MYOM1: variants seen among roughly 807,000 people sequenced by gnomAD.
MYOM1 encodes the protein myomesin-1.
A neutral mutation model predicts 205.3 loss-of-function variants in MYOM1; 164 were observed. The ratio of observed to expected loss-of-function variants is 0.80; its 90% CI spans 0.70 to 0.91. The LOEUF is 0.91. Among genes scored for constraint, MYOM1 ranks in the 40% least tolerant of loss-of-function variants. The pLI is 0.00. For synonymous variants in MYOM1, 772 were observed against 789.4 expected (o/e 0.98, Z 0.37); for missense variants, 2,011 against 2,127.3 (o/e 0.95, Z 1.08).
In MYOM1 at chr18:3,189,070, C is replaced by A; in HGVS notation, c.449G>T (p.Gly150Val). 1 of 1,612,148 alleles carries A rather than the reference C, an allele frequency of 6.2e-7. No individual in the cohort carries two copies. Among genetic ancestry groups the A allele is most frequent in the Non-Finnish European group, 8.5e-7 (1 of 1,178,832 alleles). Residue 150 changes from glycine (G) to valine (V), a missense_variant, in exon 4 of 38, where the codon GGA (glycine) becomes GTA (valine). By Grantham distance (109) the Gly-to-Val change is moderately radical. Coordinates refer to ENST00000356443, the MANE Select transcript of MYOM1 (RefSeq NM_003803.4). The surrounding 1 kb of genome is among the most constrained non-coding windows in gnomAD (Gnocchi z 4.8). ...IFSGRQKHVS[G>V]ITDTEEERIK... ...TCTTTCTTCTTCCGTATCAGTAATT[C>A]CACTGACATGCTTTTGACTAAAACA... is the stretch of plus-strand genomic sequence containing the variant.
intron 13 of MYOM1, among the ~76,000 whole-genome samples, chr18:3,146,198 A>C (rs2080120120): frequency 6.6e-6 from 1 of 152,096 alleles, no homozygotes; most frequent in Admixed American, 6.6e-5. Context: ...ATTAAAAAAA[A>C]TAATAAAAGT....
chr18:3,246,431 T>C, the MYOM1 span: 1 of 152,206 alleles, frequency 6.6e-6, no homozygotes, highest in Admixed American at 6.5e-5. Context: ...TATTTTTATT[T>C]TTAATTAGTA....
intron 14 of MYOM1, among the ~76,000 whole-genome samples, chr18:3,138,565 G>A (rs990329516): frequency 3.9e-5 from 6 of 152,210 alleles, no homozygotes; most frequent in Middle Eastern, 3.4e-3. Flanking sequence ...ATTATCTTTT[G>A]TGTGTCTGCT....
At chr18:3,242,790 T>C in the MYOM1 span, among the ~76,000 whole-genome samples, 9 of 152,234 alleles carry the variant, frequency 5.9e-5, no homozygotes, top group Non-Finnish European at 1.3e-4. Flanking sequence ...ATTACAGGCA[T>C]GAGCCTCTGC....
chr18:3,176,047 A>C lies in MYOM1; in HGVS notation c.1017T>G (p.Ile339Met). 2 of 1,579,330 alleles carry C rather than the reference A, an allele frequency of 1.3e-6. No homozygotes were observed. Among genetic ancestry groups the C allele is most frequent in the South Asian group, 2.2e-5 (2 of 90,318 alleles). The change falls in exon 6 of 38, where the codon ATT becomes ATG. Residue 339 changes from isoleucine (I) to methionine (M), a missense_variant. Transcript: ENST00000356443. ...ESRYGMHTLE[I>M]NGCDFEDTAQ... The stretch of plus-strand genomic sequence containing the variant: ...GGACACTAATGTTCTCTTACCCATT[A>C]ATCTCCAGAGTGTGCATCCCATATC...
intron 2 of MYOM1, among the ~76,000 whole-genome samples, chr18:3,214,095 C>T (rs2081224102): frequency 6.6e-6 from 1 of 152,148 alleles, no homozygotes; most frequent in Non-Finnish European, 1.5e-5. Flanking sequence ...ATGTTTTTAT[C>T]AAATGGTCGA....
At chr18:3,097,395 T>C (rs1035853380) in intron 25 of MYOM1, among the ~76,000 whole-genome samples, 10 of 152,150 alleles carry the variant, frequency 6.6e-5, no homozygotes, top group Admixed American at 1.3e-4. Context: ...GCTCTGATAC[T>C]TGCATGTCAG....
chr18:3,133,940 G>T (rs1180862456), intron 16 of MYOM1, among the ~76,000 whole-genome samples: 3 of 152,286 alleles, frequency 2.0e-5, no homozygotes, highest in African/African-American at 7.2e-5. Flanking sequence ...ATAGCTCACT[G>T]CAGCCTTGAT....
Position 3,215,090 on chromosome 18 carries a change from G to C in MYOM1, c.134C>G (p.Ala45Gly). Residue 45 changes from alanine to glycine, a missense_variant, in exon 2 of 38, where the codon GCC (alanine) becomes GGC (glycine). Physicochemically the swap from Ala to Gly is moderately conservative, Grantham distance 60. Coordinates refer to ENST00000356443, the MANE Select transcript of MYOM1 (RefSeq NM_003803.4). ...CGCGGCGGAGGAGCGGCTGCTGTAGGCCGTGGAGCCCTGGGTGTAGACGGC... is the reference window on the plus strand; with the variant it reads ...CGCGGCGGAGGAGCGGCTGCTGTAGCCCGTGGAGCCCTGGGTGTAGACGGC... ...RSAVYTQGST[A>G]YSSRSSAAHR... The C allele has an allele frequency of 1.2e-6, 2 of 1,613,634 alleles. No individual in the cohort carries two copies. Among genetic ancestry groups the C allele is most frequent in the Non-Finnish European group, 1.7e-6 (2 of 1,179,848 alleles).
chr18:3,079,132 G>A, intron 34 of MYOM1, 47 bp downstream of exon 34: 1 of 1,588,914 alleles, frequency 6.3e-7, no homozygotes, highest in Non-Finnish European at 8.6e-7. Context: ...CCTTTTAAAA[G>A]GCTCATTCAT....
At chr18:3,180,212 C>G (rs1004884539) in intron 5 of MYOM1, among the ~76,000 whole-genome samples, 4 of 152,158 alleles carry the variant, frequency 2.6e-5, no homozygotes, top group African/African-American at 9.7e-5. Flanking sequence ...CTTTCCATTA[C>G]TACTCAATTT....
chr18:3,214,944 A>G lies in MYOM1; in HGVS notation c.280T>C (p.Ser94Pro). ...RKAASAYDYG[S>P]SHGLTDSSLL... ...GGGCGTCCGACATACCCATGGGAGG[A>G]GCCATAATCGTAGGCTGAGGCTGCC... Residue 94 changes from serine to proline, a missense_variant, in exon 2 of 38, where the codon TCC (serine) becomes CCC (proline). Physicochemically the swap from Ser to Pro is moderately conservative, Grantham distance 74. Coordinates refer to ENST00000356443, the MANE Select transcript of MYOM1 (RefSeq NM_003803.4). The G allele has an allele frequency of 6.3e-7, 1 of 1,597,856 alleles. No homozygotes were observed. Among genetic ancestry groups the G allele is most frequent in the Non-Finnish European group, 8.5e-7 (1 of 1,169,870 alleles).
chr18:3,166,971 T>C (rs2080481126), intron 9 of MYOM1, among the ~76,000 whole-genome samples: 2 of 152,240 alleles, frequency 1.3e-5, no homozygotes, highest in South Asian at 2.1e-4. Flanking sequence ...GCCTTATTCA[T>C]TGCTCTCTCC....
chr18:3,078,004 T>C (rs1399961564), intron 34 of MYOM1, among the ~76,000 whole-genome samples: 1 of 151,556 alleles, frequency 6.6e-6, no homozygotes, highest in Non-Finnish European at 1.5e-5. Context: ...ATCTGCTCTC[T>C]GAGGTTGAGA....
In MYOM1 at chr18:3,094,203, G is replaced by A. The variant is rs1234384082; in HGVS notation, c.3831C>T (p.Tyr1277=). Reference sequence around the variant, plus strand: ...CAAAAATTTCCTTCTCGTTAAATATGTAGTTGACTTTGGCATTGCCAGACA... The same window carrying A: ...CAAAAATTTCCTTCTCGTTAAATATATAGTTGACTTTGGCATTGCCAGACA... The part of the protein sequence containing the change: ...EKLSGNAKVN[Y]IFNEKEIFEG... Residue 1277 remains tyrosine, a synonymous_variant, in exon 26 of 38, where the codon TAC becomes TAT. Transcript: ENST00000356443. The A allele has an allele frequency of 6.2e-7, 1 of 1,613,908 alleles. No individual in the cohort carries two copies. The highest frequency in any genetic ancestry group is 1.1e-5 in the South Asian group (1 of 91,082).
rs750237400 is a variant in MYOM1, at chr18:3,168,924, A to G, written c.1232T>C (p.Phe411Ser). 10 of 1,613,840 alleles carry G rather than the reference A, an allele frequency of 6.2e-6. No homozygotes were observed. Among genetic ancestry groups the G allele is most frequent in the Non-Finnish European group, 7.6e-6 (9 of 1,179,824 alleles). ...SRFEIHFDDK[F>S]DVSFGREGET... ...TCCCTCTCTCCCAAAAGACACATCA[A>G]ATTTGTCATCAAAGTGGATCTCAAA... The change falls in exon 9 of 38, where the codon TTT becomes TCT. Residue 411 changes from phenylalanine to serine, a missense_variant. Phe to Ser is a radical substitution (Grantham distance 155, BLOSUM62 -2). Transcript: ENST00000356443.
chr18:3,221,566 G>A (rs1442799261), upstream of MYOM1, among the ~76,000 whole-genome samples: 2 of 152,190 alleles, frequency 1.3e-5, no homozygotes, highest in African/African-American at 4.8e-5. Context: ...TGACAGAAAC[G>A]CAACTTCATT....
the MYOM1 span, among the ~76,000 whole-genome samples, chr18:3,234,335 T>C: frequency 6.6e-6 from 1 of 152,348 alleles, no homozygotes; most frequent in Admixed American, 6.5e-5. Flanking sequence ...TCCCAAATTA[T>C]GTAACATTGT....
intron 22 of MYOM1, among the ~76,000 whole-genome samples, chr18:3,103,706 C>T (rs1385781161): frequency 6.6e-6 from 1 of 152,098 alleles, no homozygotes; most frequent in Non-Finnish European, 1.5e-5. Flanking sequence ...TTACAAGAGG[C>T]CAACATCCTG....
Sources: gnomAD v4.1 joint callset for allele counts (sites outside exome capture counted in the v4.1 genomes callset) on GRCh38, gnomAD v4.1.1 for gene constraint, Gnocchi (gnomAD v3.1) non-coding constraint, MANE v1.5 for transcripts, NCBI Gene and HGNC (gene_info 2026-07-23, HGNC 2026-07-21) for gene names.